The following NECAB3 variants were observed in gnomAD, a reference collection of about 807,000 sequenced individuals.
NECAB3 encodes the protein N-terminal EF-hand calcium binding protein 3.
Under a neutral mutation model 57.2 loss-of-function variants are expected in NECAB3, and 38 were observed. That is an observed-to-expected ratio of 0.66 (90% CI 0.51 to 0.87). The LOEUF (loss-of-function observed/expected upper bound fraction) is 0.87. NECAB3 is among the 40% of genes least tolerant of loss of function. The probability of loss-of-function intolerance (pLI) is 0.00; values close to 1 mark genes in which losing one functional copy is unlikely to be tolerated. For synonymous variants in NECAB3, 223 were observed against 222.6 expected (o/e 1.00, Z -0.02); for missense variants, 474 against 527.5 (o/e 0.90, Z 0.99).
chr20:33,673,930 G>C (rs994511236), intron 1 of NECAB3, among the ~76,000 whole-genome samples: 1 of 152,138 alleles, frequency 6.6e-6, no homozygotes, highest in Admixed American at 6.5e-5. Flanking sequence ...AGCTGCCACA[G>C]AGTGGGGTGA....
intron 5 of NECAB3, chr20:33,663,442 C>A: frequency 7.2e-7 from 1 of 1,392,260 alleles, no homozygotes; most frequent in Non-Finnish European, 9.7e-7. Flanking sequence ...CCCGGGTGGA[C>A]GAGGGTCCCA....
intron 1 of NECAB3, 129 bp downstream of exon 1, chr20:33,674,095 A>C: frequency 9.8e-7 from 1 of 1,016,330 alleles, no homozygotes; most frequent in Non-Finnish European, 1.3e-6. Context: ...AAAGGTCAAG[A>C]GAAAACAGCA....
rs756792097 is a variant in NECAB3, at chr20:33,658,525, G to A, written c.1022C>T (p.Ala341Val). 1.9e-6 allele frequency: 3 copies of A among 1,613,918 alleles called. No homozygotes were observed. Among genetic ancestry groups the A allele is most frequent in the African/African-American group, 2.7e-5 (2 of 74,872 alleles). Residue 341 changes from alanine to valine, a missense_variant, in exon 10 of 12, where the codon GCC (alanine) becomes GTC (valine). Ala to Val is a moderately conservative substitution (Grantham distance 64). Transcript: ENST00000246190. ...CCAGAACTCATACAGGGTGAAGGAG[G>A]CACCGTCCAGCATCTTCTGGGCGGA... Reference protein sequence around the residue: ...HVSAQKMLDGASFTLYEFWQD... With the variant: ...HVSAQKMLDGVSFTLYEFWQD...
intron 3 of NECAB3, chr20:33,670,437 A>G (rs2017805714): frequency 2.5e-6 from 1 of 400,324 alleles, no homozygotes; most frequent in East Asian, 4.4e-5. Flanking sequence ...GGAAGCGGGA[A>G]TGGGGAGCTG....
intron 5 of NECAB3, chr20:33,663,275 CA>C (rs1241748639): frequency 1.8e-6 from 1 of 548,450 alleles, no homozygotes; most frequent in East Asian, 3.3e-5. Flanking sequence ...GAGCTGGTCT[CA>C]GGAAGTCAGC....
intron 5 of NECAB3, chr20:33,667,596 C>T (rs746160395): frequency 6.3e-7 from 1 of 1,579,542 alleles, no homozygotes; most frequent in Admixed American, 1.8e-5. Context: ...CGCCCATCTA[C>T]GCGGGTCACT....
rs143665944 is a variant in NECAB3, at chr20:33,660,789, T to C, written c.388-394A>G. Among the ~76,000 whole-genome samples, 211 of 152,328 alleles carry C rather than the reference T, an allele frequency of 1.4e-3. No individual in the cohort carries two copies. Among genetic ancestry groups the C allele is most frequent in the African/African-American group, 4.8e-3 (201 of 41,568 alleles). On this transcript the variant is annotated intron_variant, in intron 5 of 11. Transcript: ENST00000246190. The surrounding 1 kb of genome is among the most constrained non-coding windows in gnomAD (Gnocchi z 4.1). ...CCAATGTTGACACAAGGCAAAATAA[T>C]GGCGTGGTGTGGCCCCAGACTCACA... is the stretch of plus-strand genomic sequence containing the variant.
Position 33,658,176 on chromosome 20 carries a change from T to C in NECAB3, c.1071-143A>G, listed in dbSNP as rs913989291. ...ACACGGGGAAGCTGTGTGGGTGGAA[T>C]GAAGGGCACTGCACACGGTGCTTGG... On this transcript the variant is annotated intron_variant, in intron 10 of 11. Transcript: ENST00000246190. The C allele has an allele frequency of 6.8e-6, 5 of 733,342 alleles. No homozygotes were observed. The Admixed American group carries it at 1.3e-4, about 19-fold the overall frequency. The allele number at this position is 733,342 out of a possible 1,614,324, so 45.4% of individuals were successfully genotyped here.
intron 5 of NECAB3, 71 bp downstream of exon 5, chr20:33,669,304 G>A: frequency 6.6e-7 from 1 of 1,505,236 alleles, no homozygotes. Flanking sequence ...TCAAGACTGT[G>A]GAGGATCCCA....
rs185084427 is a variant in NECAB3, at chr20:33,659,359, C to T, written c.879+138G>A. Reference sequence around the variant, plus strand: ...GTGGTTCCTGCAGGTTCTCAGAACCCGGCACCTGCTTGCCAGGCCTGGGGG... The same window carrying T: ...GTGGTTCCTGCAGGTTCTCAGAACCTGGCACCTGCTTGCCAGGCCTGGGGG... On this transcript the variant is annotated intron_variant, in intron 8 of 11. Coordinates refer to ENST00000246190, the MANE Select transcript of NECAB3 (RefSeq NM_031232.4). 8.9e-4 allele frequency: 628 copies of T among 706,446 alleles called. 3 individuals are homozygous for T. The African/African-American group carries it at 9.9e-3, about 11-fold the overall frequency. The allele number at this position is 706,446 out of a possible 1,614,324, so 43.8% of individuals were successfully genotyped here.
At chr20:33,671,865 T>A (rs2017834278) in intron 2 of NECAB3, among the ~76,000 whole-genome samples, 1 of 152,236 alleles carries the variant, frequency 6.6e-6, no homozygotes, top group Non-Finnish European at 1.5e-5. Context: ...TCCAGATGGT[T>A]GGTCACATGA....
At chr20:33,662,514 G>A (rs1164146992) in intron 5 of NECAB3, 2 of 1,544,420 alleles carry the variant, frequency 1.3e-6, no homozygotes, top group Non-Finnish European at 1.8e-6. Flanking sequence ...AGGCAGCTGG[G>A]GGGCAGAGAA....
At chr20:33,668,382 A>G in intron 5 of NECAB3, 1 of 1,179,306 alleles carries the variant, frequency 8.5e-7, no homozygotes, top group South Asian at 2.2e-5. Flanking sequence ...AGGAGAAGGT[A>G]TTTGGGACCC....
chr20:33,673,859 G>C (rs2017887406), intron 1 of NECAB3, among the ~76,000 whole-genome samples: 2 of 152,108 alleles, frequency 1.3e-5, no homozygotes, highest in African/African-American at 4.8e-5. Flanking sequence ...GGCGGCACTA[G>C]AGTCAGGAGT....
chr20:33,667,786 G>A (rs1343006738), intron 5 of NECAB3: 6 of 1,612,080 alleles, frequency 3.7e-6, no homozygotes, highest in South Asian at 2.2e-5. Flanking sequence ...CGACCTCCGC[G>A]ACCCCGCCCG....
At chr20:33,672,154 G>A in intron 2 of NECAB3, 1 of 574,704 alleles carries the variant, frequency 1.7e-6, no homozygotes, top group Non-Finnish European at 3.1e-6. Context: ...ATGCCAGGGT[G>A]CTGTGTGAAA....
chr20:33,658,426 T>C (rs571341828), intron 10 of NECAB3, 51 bp downstream of exon 10: 5 of 1,570,182 alleles, frequency 3.2e-6, no homozygotes, highest in South Asian at 1.1e-5. Context: ...CTGGCCTGAC[T>C]CACTCCAGGG....
Position 33,657,787 on chromosome 20 carries a change from G to T in NECAB3, c.*42C>A. 6.7e-7 allele frequency: 1 copy of T among 1,497,756 alleles called. No individual in the cohort carries two copies. Among genetic ancestry groups the T allele is most frequent in the Non-Finnish European group, 8.9e-7 (1 of 1,119,330 alleles). 92.8% of individuals were successfully genotyped at this position (1,497,756 alleles called of 1,614,324 possible). On this transcript the variant is annotated 3_prime_UTR_variant, in exon 12 of 12. Coordinates refer to ENST00000246190, the MANE Select transcript of NECAB3 (RefSeq NM_031232.4). ...GCCAGTCCAGAAGGCTCCAGAGGGAGGCAGGCAGGGTCCCGGGGCCCTCGG... is the reference window on the plus strand; with the variant it reads ...GCCAGTCCAGAAGGCTCCAGAGGGATGCAGGCAGGGTCCCGGGGCCCTCGG...
intron 5 of NECAB3, chr20:33,667,294 G>C (rs2017686631): frequency 5.1e-6 from 3 of 586,500 alleles, no homozygotes; most frequent in Middle Eastern, 4.8e-4. Flanking sequence ...GGGCGGCGTG[G>C]CGCGGGCGCA....
Sources: gnomAD v4.1 joint callset for allele counts (sites outside exome capture counted in the v4.1 genomes callset) on GRCh38, gnomAD v4.1.1 for gene constraint, Gnocchi (gnomAD v3.1) non-coding constraint, MANE v1.5 for transcripts, NCBI Gene and HGNC (gene_info 2026-07-23, HGNC 2026-07-21) for gene names.